Variants in ST18 observed in about 807,000 individuals in gnomAD.
ST18 encodes ST18 C2H2C-type zinc finger transcription factor.
ST18 carries 50 observed loss-of-function variants against 110.0 expected under a neutral mutation model. The ratio of observed to expected loss-of-function variants is 0.45; its 90% CI spans 0.36 to 0.58. ST18 has a LOEUF of 0.58. ST18 is among the 20% of genes least tolerant of loss of function. The pLI is 0.00. For synonymous variants in ST18, 461 were observed against 452.4 expected (o/e 1.02, Z -0.24); for missense variants, 1,306 against 1,280.1 (o/e 1.02, Z -0.31).
At chr8:52,203,820 A>G (rs1185910936) in intron 8 of ST18, among the ~76,000 whole-genome samples, 1 of 152,200 alleles carries the variant, frequency 6.6e-6, no homozygotes, top group African/African-American at 2.4e-5. Flanking sequence ...CGACCCGTGC[A>G]GTGCTTGAGC....
chr8:52,155,468 C>T (rs1158636198), intron 15 of ST18, among the ~76,000 whole-genome samples: 1 of 152,100 alleles, frequency 6.6e-6, no homozygotes, highest in Non-Finnish European at 1.5e-5. Context: ...CAGTGATTGG[C>T]AATGTCACAA....
intron 15 of ST18, 88 bp downstream of exon 15, chr8:52,158,810 G>T: frequency 7.0e-7 from 1 of 1,426,020 alleles, no homozygotes; most frequent in Non-Finnish European, 9.8e-7. Context: ...GGAGCAGAGT[G>T]GTAGTGAATG....
chr8:52,312,525 G>A (rs367778101), intron 2 of ST18, among the ~76,000 whole-genome samples: 1 of 152,142 alleles, frequency 6.6e-6, no homozygotes, highest in Middle Eastern at 3.2e-3. Flanking sequence ...ATCTCTATTC[G>A]ATTCACCAGA....
chr8:52,170,452 CAATA>C (rs562661652), intron 10 of ST18, among the ~76,000 whole-genome samples: 14,721 of 127,950 alleles, frequency 0.12, 838 homozygotes, highest in Non-Finnish European at 0.14. Flanking sequence ...ACTCAAAAAT[CAATA>C]AATAAATAAA....
At chr8:52,237,162 C>A (rs1349005620) in intron 2 of ST18, among the ~76,000 whole-genome samples, 2 of 152,110 alleles carry the variant, frequency 1.3e-5, no homozygotes, top group African/African-American at 4.8e-5. Context: ...ATGCCATAAT[C>A]CAAAAAGAGA....
chr8:52,181,024 G>A (rs918153929), intron 8 of ST18, among the ~76,000 whole-genome samples: 1 of 152,206 alleles, frequency 6.6e-6, no homozygotes, highest in Non-Finnish European at 1.5e-5. Flanking sequence ...ATTTGGAAAT[G>A]TTCCTGAGGG....
At chr8:52,317,027 TTCTC>T (rs2096042623) in intron 2 of ST18, among the ~76,000 whole-genome samples, 2 of 152,242 alleles carry the variant, frequency 1.3e-5, no homozygotes, top group East Asian at 1.9e-4. Context: ...ATGTTTATTA[TTCTC>T]TCTAATTCAA....
At chr8:52,318,982 C>G (rs979502492) in intron 2 of ST18, among the ~76,000 whole-genome samples, 1 of 152,038 alleles carries the variant, frequency 6.6e-6, no homozygotes, top group Non-Finnish European at 1.5e-5. Context: ...GGATGCTGGG[C>G]TTAATACCTG....
chr8:52,378,433 T>C (rs1406519633), intron 2 of ST18, among the ~76,000 whole-genome samples: 1 of 152,182 alleles, frequency 6.6e-6, no homozygotes, highest in Non-Finnish European at 1.5e-5. Flanking sequence ...TATTTACTGC[T>C]AAAAAGGGCA....
chr8:52,294,280 C>T (rs1564433048), intron 2 of ST18, among the ~76,000 whole-genome samples: 1 of 152,250 alleles, frequency 6.6e-6, no homozygotes, highest in Non-Finnish European at 1.5e-5. Context: ...CCGTCATTTG[C>T]TTCTGACCCT....
At chr8:52,217,112 G>T (rs2084590476) in intron 6 of ST18, among the ~76,000 whole-genome samples, 1 of 152,242 alleles carries the variant, frequency 6.6e-6, no homozygotes, top group African/African-American at 2.4e-5. Context: ...CTATTGATAA[G>T]CTTGCAATTA....
intron 2 of ST18, among the ~76,000 whole-genome samples, chr8:52,397,179 G>A (rs1413027493): frequency 6.6e-6 from 1 of 152,124 alleles, no homozygotes; most frequent in African/African-American, 2.4e-5. Context: ...ATCCTAACAG[G>A]TATGAAGTGA....
At chr8:52,203,216 C>G (rs1040237493) in intron 8 of ST18, among the ~76,000 whole-genome samples, 3 of 152,140 alleles carry the variant, frequency 2.0e-5, no homozygotes, top group Non-Finnish European at 2.9e-5. Flanking sequence ...CACCAGGGCT[C>G]AAAGTGCTAT....
intron 2 of ST18, among the ~76,000 whole-genome samples, chr8:52,366,374 G>C (rs1827941351): frequency 6.6e-6 from 1 of 152,142 alleles, no homozygotes; most frequent in Non-Finnish European, 1.5e-5. Flanking sequence ...GCTCTCCTCA[G>C]AACAACACCT....
intron 2 of ST18, among the ~76,000 whole-genome samples, chr8:52,318,851 T>C (rs760686819): frequency 1.3e-5 from 2 of 149,154 alleles, no homozygotes; most frequent in Non-Finnish European, 1.5e-5. Context: ...TTCTCACTTA[T>C]AAGTGGGAGC....
At chr8:52,219,727 C>A (rs141053313) in intron 5 of ST18, among the ~76,000 whole-genome samples, 1 of 152,260 alleles carries the variant, frequency 6.6e-6, no homozygotes, top group African/African-American at 2.4e-5. Flanking sequence ...GCACATTCCC[C>A]CCAGAAGAGA....
intron 18 of ST18, among the ~76,000 whole-genome samples, chr8:52,136,969 G>A (rs1330498161): frequency 6.6e-6 from 1 of 152,210 alleles, no homozygotes; most frequent in East Asian, 1.9e-4. Context: ...ACAGCCAGGT[G>A]ATGGTGCTTT....
intron 9 of ST18, among the ~76,000 whole-genome samples, chr8:52,174,114 G>T (rs1241131444): frequency 6.6e-6 from 1 of 152,162 alleles, no homozygotes; most frequent in African/African-American, 2.4e-5. Context: ...GCAGTCTTTT[G>T]TTGGGATCTA....
intron 7 of ST18, 30 bp downstream of exon 7, chr8:52,214,173 T>C (rs1018405375): frequency 2.5e-6 from 4 of 1,612,148 alleles, no homozygotes; most frequent in Non-Finnish European, 3.4e-6. Flanking sequence ...GTGGTGGGCA[T>C]AGTGTCATAG....
Sources: gnomAD v4.1 joint callset for allele counts (sites outside exome capture counted in the v4.1 genomes callset) on GRCh38, gnomAD v4.1.1 for gene constraint, MANE v1.5 for transcripts, NCBI Gene and HGNC (gene_info 2026-07-23, HGNC 2026-07-21) for gene names.